Variants in EPB41 observed in about 807,000 individuals in gnomAD.
EPB41 encodes the protein erythrocyte membrane protein band 4.1.
In EPB41, 65 loss-of-function variants were observed where a neutral mutation model predicts 108.0. The observed-to-expected ratio is 0.60, with a 90% CI of 0.49 to 0.74. EPB41 has a LOEUF of 0.74. Ranked by LOEUF, EPB41 falls within the 30% of genes least tolerant of loss-of-function variation. The pLI is 0.00. For synonymous variants in EPB41, 336 were observed against 358.9 expected (o/e 0.94, Z 0.72); for missense variants, 875 against 1,037.0 (o/e 0.84, Z 2.15).
Position 28,997,334 on chromosome 1 carries a change from T to G in EPB41, c.786+15T>G. On this transcript the variant is annotated intron_variant, in intron 4 of 20. Coordinates refer to ENST00000343067, the MANE Select transcript of EPB41 (RefSeq NM_001376013.1). Reference sequence around the variant, plus strand: ...CAACCTCTAAGGTGAGGAGACTGCTTGCAATTTAAGAAGCTGACAAAAAAT... The same window carrying G: ...CAACCTCTAAGGTGAGGAGACTGCTGGCAATTTAAGAAGCTGACAAAAAAT... The G allele has an allele frequency of 6.6e-7, 1 of 1,508,484 alleles. No homozygotes were observed. Among genetic ancestry groups the G allele is most frequent in the Non-Finnish European group, 9.2e-7 (1 of 1,083,758 alleles). The allele number at this position is 1,508,484 out of a possible 1,614,324, so 93.4% of individuals were successfully genotyped here.
chr1:29,080,889 T>C (rs1656325926), intron 16 of EPB41, among the ~76,000 whole-genome samples: 1 of 152,242 alleles, frequency 6.6e-6, no homozygotes, highest in African/African-American at 2.4e-5. Context: ...TGTTAATGTG[T>C]AAACTTATGA....
intron 17 of EPB41, among the ~76,000 whole-genome samples, chr1:29,103,645 C>A (rs1666172536): frequency 6.6e-6 from 1 of 152,000 alleles, no homozygotes; most frequent in South Asian, 2.1e-4. Flanking sequence ...ATACAAATTG[C>A]TTTTTATTTT....
chr1:28,943,682 C>T (rs111989996), intron 1 of EPB41, among the ~76,000 whole-genome samples: 3,348 of 151,688 alleles, frequency 0.022, 52 homozygotes, highest in Non-Finnish European at 0.032. Flanking sequence ...CACACTACAA[C>T]GAGAAGCTTA....
At chr1:28,956,709 T>G (rs2149057364) in intron 1 of EPB41, among the ~76,000 whole-genome samples, 1 of 152,306 alleles carries the variant, frequency 6.6e-6, no homozygotes, top group Admixed American at 6.5e-5. Context: ...AGAGTAAGAA[T>G]CATCTAAAAT....
In EPB41 at chr1:29,035,940, A is replaced by G; in HGVS notation, c.1463+17A>G. The G allele has an allele frequency of 6.4e-7, 1 of 1,559,952 alleles. No individual in the cohort carries two copies. The highest frequency in any genetic ancestry group is 1.1e-5 in the South Asian group (1 of 89,896). ...GTTTTTCAGGTATTATTCTCACTTAAGTATTTTTCAAGGATAAATTATTTA... is the reference window on the plus strand; with the variant it reads ...GTTTTTCAGGTATTATTCTCACTTAGGTATTTTTCAAGGATAAATTATTTA... On this transcript the variant is annotated intron_variant, in intron 10 of 20. Transcript: ENST00000343067.
At chr1:29,013,192 G>A (rs372783926) in intron 5 of EPB41, among the ~76,000 whole-genome samples, 1 of 152,022 alleles carries the variant, frequency 6.6e-6, no homozygotes, top group Admixed American at 6.6e-5. Context: ...GGGTGTGGTG[G>A]CGCATGCCTG....
At position 29,023,480 on chromosome 1, in the gene EPB41, G is replaced by T. The variant is rs912848575; in HGVS notation, c.1124+5038G>T. Among the ~76,000 whole-genome samples the T allele has an allele frequency of 2.6e-5, 4 of 151,574 alleles. No individual in the cohort carries two copies. In the South Asian group the frequency reaches 8.3e-4, roughly 31 times the overall value. On this transcript the variant is annotated intron_variant, in intron 7 of 20. Transcript: ENST00000343067. ...AGGCAGCCAGATCACCTGAGGTCGG[G>T]AGTTCAAGACCAGCCTGACCAACAT...
At chr1:28,916,790 C>G (rs1430877266) in intron 1 of EPB41, among the ~76,000 whole-genome samples, 1 of 151,816 alleles carries the variant, frequency 6.6e-6, no homozygotes, top group Non-Finnish European at 1.5e-5. Context: ...AAAATTCTCC[C>G]AACAATTTTT....
chr1:28,891,044 T>G (rs1437321509), intron 1 of EPB41: 1 of 958,864 alleles, frequency 1.0e-6, no homozygotes, highest in African/African-American at 1.8e-5. Context: ...GGGAGCAACC[T>G]CCAGGTCAGC....
rs777903844 is a variant in EPB41, at chr1:29,035,914, C to T, written c.1454C>T (p.Thr485Met). The part of the protein sequence containing the change: ...KLWKVCVEHH[T>M]FFRLTSTDTI... ...TGGAAAGTCTGTGTAGAACATCACA[C>T]GTTTTTCAGGTATTATTCTCACTTA... The change falls in exon 10 of 21, where the codon ACG becomes ATG. Residue 485 changes from threonine (T) to methionine (M), a missense_variant. Physicochemically the swap from Thr to Met is moderately conservative, Grantham distance 81. Coordinates refer to ENST00000343067, the MANE Select transcript of EPB41 (RefSeq NM_001376013.1). 31 of 1,609,022 alleles carry T rather than the reference C, an allele frequency of 1.9e-5. No individual in the cohort carries two copies. The Middle Eastern group carries it at 6.6e-4, about 34-fold the overall frequency.
chr1:28,923,165 T>C (rs1361003137), intron 1 of EPB41, among the ~76,000 whole-genome samples: 3 of 136,916 alleles, frequency 2.2e-5, no homozygotes, highest in Admixed American at 8.4e-5. Context: ...CAGGCTGGAG[T>C]GCAGTGATGG....
chr1:29,112,099 G>A (rs1452087668), intron 18 of EPB41, among the ~76,000 whole-genome samples: 1 of 152,106 alleles, frequency 6.6e-6, no homozygotes, highest in African/African-American at 2.4e-5. Context: ...GTCCTTTGCA[G>A]TACCCAGCAG....
chr1:29,016,136 CT>C (rs1306214287), intron 6 of EPB41, among the ~76,000 whole-genome samples: 1 of 152,054 alleles, frequency 6.6e-6, no homozygotes, highest in African/African-American at 2.4e-5. Context: ...TTTGGGGTCT[CT>C]TTTCATACTC....
In EPB41 at chr1:28,914,777, A is replaced by AGGCGGCGGCGGC. The variant is rs966139037; in HGVS notation, c.-8+14_-8+25dup. 6.5e-6 allele frequency: 1 copy of AGGCGGCGGCGGC among 153,098 alleles called. No individual in the cohort carries two copies. The highest frequency in any genetic ancestry group is 6.6e-5 in the Admixed American group (1 of 15,192). The allele number at this position is 153,098 out of a possible 1,614,324, so 9.5% of individuals were successfully genotyped here. A position where few individuals can be genotyped will look rare whatever the true frequency, so the allele number is the denominator to read the frequency against. Reference sequence around the variant, plus strand: ...CGGCCCCGGAGCCACCGGTGAGGCGAGGCGGCGGCGGCGGCGCGGGAGCCG... The same window carrying AGGCGGCGGCGGC: ...CGGCCCCGGAGCCACCGGTGAGGCGAGGCGGCGGCGGCGGCGGCGGCGGCGGCGCGGGAGCCG... On this transcript the variant is annotated intron_variant, in intron 1 of 20. Coordinates refer to ENST00000343067, the MANE Select transcript of EPB41 (RefSeq NM_001376013.1).
At chr1:28,899,976 C>T (rs1370203958) in intron 1 of EPB41, among the ~76,000 whole-genome samples, 2 of 152,174 alleles carry the variant, frequency 1.3e-5, no homozygotes, top group Non-Finnish European at 2.9e-5. Context: ...ATATTAGCAT[C>T]TTCTCATAGG....
intron 4 of EPB41, among the ~76,000 whole-genome samples, chr1:29,005,132 A>G (rs539132808): frequency 6.6e-6 from 1 of 152,318 alleles, no homozygotes; most frequent in Admixed American, 6.5e-5. Context: ...TGCAGGCTGT[A>G]TAAGAAGCAT....
chr1:28,902,433 G>A (rs1248726825), intron 1 of EPB41: 1 of 962,080 alleles, frequency 1.0e-6, no homozygotes, highest in Non-Finnish European at 1.2e-6. Context: ...TTGTTTTTCA[G>A]CAGAAATCAT....
intron 16 of EPB41, among the ~76,000 whole-genome samples, chr1:29,080,493 C>G (rs145346019): frequency 2.6e-5 from 4 of 151,062 alleles, no homozygotes; most frequent in African/African-American, 9.8e-5. Flanking sequence ...ACTGAAGTCT[C>G]GACCTTCTGG....
chr1:29,014,976 T>A (rs1395432830), intron 5 of EPB41, among the ~76,000 whole-genome samples: 2 of 151,890 alleles, frequency 1.3e-5, no homozygotes, highest in Non-Finnish European at 2.9e-5. Flanking sequence ...GGAGACCCCG[T>A]CTCTACAAAA....
Sources: gnomAD v4.1 joint callset for allele counts (sites outside exome capture counted in the v4.1 genomes callset) on GRCh38, gnomAD v4.1.1 for gene constraint, MANE v1.5 for transcripts, NCBI Gene and HGNC (gene_info 2026-07-23, HGNC 2026-07-21) for gene names.